The following ZAN variants were observed in gnomAD, a reference collection of about 807,000 sequenced individuals.
ZAN encodes the protein zonadhesin (gene/pseudogene).
A neutral mutation model predicts 286.2 loss-of-function variants in ZAN; 260 were observed. The observed-to-expected ratio is 0.91, with a 90% CI of 0.82 to 1.01. ZAN has a LOEUF of 1.01. Among genes scored for constraint, ZAN ranks in the 50% least tolerant of loss-of-function variants. The pLI is 0.00. For missense variants in ZAN, 3,410 were observed against 3,639.2 expected, an observed-to-expected ratio of 0.94 and a Z score of 1.62; for synonymous variants, 1,368 against 1,417.5, an observed-to-expected ratio of 0.97 and a Z score of 0.79.
Position 100,748,433 on chromosome 7 carries a change from C to T in ZAN, c.1212C>T (p.Val404=). The T allele has an allele frequency of 6.2e-7, 1 of 1,613,746 alleles. No homozygotes were observed. Among genetic ancestry groups the T allele is most frequent in the Non-Finnish European group, 8.5e-7 (1 of 1,179,812 alleles). The part of the protein sequence containing the change: ...HWALGHKNGP[V]HGMGPAGGFP... ...CCCTCGGACATAAAAATGGACCCGTCCATGGCATGGGCCCTGCGGGAGGTT... is the reference window on the plus strand; with the variant it reads ...CCCTCGGACATAAAAATGGACCCGTTCATGGCATGGGCCCTGCGGGAGGTT... The change falls in exon 11 of 48, where the codon GTC becomes GTT. Residue 404 remains valine (V), a synonymous_variant. Transcript: ENST00000613979.
At chr7:100,750,552 A>T in intron 11 of ZAN, 73 bp from the exon 12 acceptor site, 1 of 1,534,742 alleles carries the variant, frequency 6.5e-7, no homozygotes, top group Non-Finnish European at 8.8e-7. Context: ...TCAGAAAGCA[A>T]AGCTTTGCTA....
chr7:100,751,152 C>T (rs1487392356), intron 12 of ZAN, 30 bp from the exon 13 acceptor site: 2 of 1,542,138 alleles, frequency 1.3e-6, no homozygotes, highest in Admixed American at 4.1e-5. Context: ...TTTTGTTTCT[C>T]TCTCCGTCTC....
rs745840375 is a variant in ZAN at position 100,755,275 on chromosome 7, G to A, written c.3174G>A (p.Ser1058=). 17 of 1,613,690 alleles carry A rather than the reference G, an allele frequency of 1.1e-5. No homozygotes were observed. The highest frequency in any genetic ancestry group is 2.7e-5 in the African/African-American group (2 of 74,904). ...ARYESCACPA[S]CKSPRPSCGP... ...ACGAATCCTGTGCTTGTCCTGCTTC[G>A]TGCAAGAGCCCCAGGCCTAGCTGTG... Residue 1058 remains serine (S), a synonymous_variant, in exon 15 of 48, where the codon TCG becomes TCA. Coordinates refer to ENST00000613979, the MANE Select transcript of ZAN (RefSeq NM_003386.3).
chr7:100,786,467 C>A (rs954187404), intron 37 of ZAN, among the ~76,000 whole-genome samples: 1 of 152,186 alleles, frequency 6.6e-6, no homozygotes, highest in African/African-American at 2.4e-5. Flanking sequence ...AGTGCACTGG[C>A]ACCATCATAT....
chr7:100,781,876 G>C (rs1290044031), intron 35 of ZAN, among the ~76,000 whole-genome samples: 1 of 151,954 alleles, frequency 6.6e-6, no homozygotes, highest in African/African-American at 2.4e-5. Context: ...CTCACCTCAG[G>C]TGATCCACCT....
chr7:100,774,378 C>A (rs1440263937), intron 31 of ZAN, among the ~76,000 whole-genome samples: 2 of 151,640 alleles, frequency 1.3e-5, no homozygotes, highest in Non-Finnish European at 2.9e-5. Context: ...ATAAATAAAT[C>A]TTTTCCTGGA....
At position 100,753,057 on chromosome 7, in the gene ZAN, C is replaced by T; in HGVS notation, c.2952C>T (p.Thr984=). The T allele has an allele frequency of 6.2e-7, 1 of 1,613,932 alleles. No homozygotes were observed. Among genetic ancestry groups the T allele is most frequent in the Non-Finnish European group, 8.5e-7 (1 of 1,179,832 alleles). ...TTACCATCCCCACGGAAAAACCCAC[C>T]ATCCCCACAGAAAAACCCACCATTC... ...EKLTIPTEKP[T]IPTEKPTIPT... The change falls in exon 14 of 48, where the codon ACC becomes ACT. Residue 984 remains threonine, a synonymous_variant. Coordinates refer to ENST00000613979, the MANE Select transcript of ZAN (RefSeq NM_003386.3).
At chr7:100,751,663 G>A in intron 13 of ZAN, 49 bp from the exon 14 acceptor site, 2 of 1,526,642 alleles carry the variant, frequency 1.3e-6, no homozygotes, top group Non-Finnish European at 1.8e-6. Flanking sequence ...TAAAGAGGGT[G>A]GTGGTATGGT....
At chr7:100,757,732 G>A (rs988667017) in intron 15 of ZAN, among the ~76,000 whole-genome samples, 3 of 144,470 alleles carry the variant, frequency 2.1e-5, no homozygotes, top group Non-Finnish European at 4.5e-5. Flanking sequence ...TCCAGCCTGG[G>A]TGACAGAGTG....
Position 100,764,103 on chromosome 7 carries a change from C to T in ZAN, c.4174C>T (p.Gln1392Ter). The T allele has an allele frequency of 6.2e-7, 1 of 1,613,460 alleles. No homozygotes were observed. The highest frequency in any genetic ancestry group is 1.1e-5 in the South Asian group (1 of 91,060). ...MLDMCGFQGL[Q>*]HLLCTHMSTM... Reference sequence around the variant, plus strand: ...TGATATGTGCGGATTCCAGGGGCTGCAGCACCTGCTGTGCACACACATGTC... The same window carrying T: ...TGATATGTGCGGATTCCAGGGGCTGTAGCACCTGCTGTGCACACACATGTC... Residue 1392 changes from glutamine (Q) to a stop codon, truncating the protein, a stop_gained, in exon 22 of 48, where the codon CAG (glutamine) becomes TAG (stop). Coordinates refer to ENST00000613979, the MANE Select transcript of ZAN (RefSeq NM_003386.3). LOFTEE classifies it high-confidence loss of function.
At chr7:100,739,814 C>T (rs1373653944) in intron 7 of ZAN, among the ~76,000 whole-genome samples, 5 of 139,030 alleles carry the variant, frequency 3.6e-5, no homozygotes, top group African/African-American at 1.3e-4. Context: ...TACACCACCA[C>T]GCCCAGCTAA....
At chr7:100,787,348 G>A (rs1210706367) in intron 37 of ZAN, among the ~76,000 whole-genome samples, 1 of 150,584 alleles carries the variant, frequency 6.6e-6, no homozygotes, top group African/African-American at 2.4e-5. Context: ...ACCAGGAGGT[G>A]GAGGCTGCAG....
intron 26 of ZAN, 143 bp from the exon 27 acceptor site, chr7:100,768,467 A>T: frequency 1.4e-6 from 1 of 717,164 alleles, no homozygotes; most frequent in Non-Finnish European, 2.3e-6. Flanking sequence ...GCAAGACTCC[A>T]TCTCAAAAAA....
At chr7:100,759,630 T>TTAAAAAA in intron 17 of ZAN, 91 bp from the exon 18 acceptor site, 2 of 1,424,762 alleles carry the variant, frequency 1.4e-6, no homozygotes, top group Admixed American at 2.7e-5. Context: ...GTGGCGCTCA[T>TTAAAAAA]CTCTCCCTGC....
intron 35 of ZAN, among the ~76,000 whole-genome samples, chr7:100,783,945 T>G (rs1448174080): frequency 6.7e-6 from 1 of 149,320 alleles, no homozygotes; most frequent in Non-Finnish European, 1.5e-5. Context: ...TTGTTCACAC[T>G]ATTTTTGCTT....
Position 100,774,890 on chromosome 7 carries a change from A to T in ZAN, c.5780-438A>T, listed in dbSNP as rs140664320. On this transcript the variant is annotated intron_variant, in intron 31 of 47. Transcript: ENST00000613979. The stretch of plus-strand genomic sequence containing the variant: ...TGCCCCTCCTCCACCCGTAAACCTC[A>T]CCACGCCTCCTAGCCCTGGCCCTGG... Among the ~76,000 whole-genome samples the T allele has an allele frequency of 5.3e-3, 793 of 149,900 alleles. 3 individuals carry two copies. Among genetic ancestry groups the T allele is most frequent in the Non-Finnish European group, 8.8e-3 (596 of 67,748 alleles).
rs541885215 is a variant in ZAN at position 100,759,931 on chromosome 7, A to G, written c.3696+86A>G. The G allele has an allele frequency of 7.3e-6, 11 of 1,502,096 alleles. No individual in the cohort carries two copies. In the African/African-American group the frequency reaches 1.2e-4, roughly 17 times the overall value. 93.0% of individuals were successfully genotyped at this position (1,502,096 alleles called of 1,614,324 possible). ...TTCCAATCCCTGAACCTTTCCACGG[A>G]TGGGGTTCAACAAGACAGTGACCTG... On this transcript the variant is annotated intron_variant, in intron 18 of 47. Coordinates refer to ENST00000613979, the MANE Select transcript of ZAN (RefSeq NM_003386.3).
intron 19 of ZAN, 100 bp downstream of exon 19, chr7:100,760,636 C>T (rs76926298): frequency 0.016 from 23,782 of 1,489,960 alleles, 1,014 homozygotes; most frequent in South Asian, 0.12. Flanking sequence ...CCCTTCCATC[C>T]CTGGCACCAC....
chr7:100,769,218 C>T (rs894486871), intron 27 of ZAN, among the ~76,000 whole-genome samples: 21 of 152,194 alleles, frequency 1.4e-4, no homozygotes, highest in African/African-American at 5.1e-4. Flanking sequence ...CTCAGCCTCC[C>T]AAGTAGCTGG....
Sources: allele counts gnomAD v4.1 joint callset (sites outside exome capture counted in the v4.1 genomes callset), GRCh38; gene constraint gnomAD v4.1.1; transcripts MANE v1.5; gene names NCBI Gene and HGNC (gene_info 2026-07-23, HGNC 2026-07-21).